The following IL16 variants were observed in gnomAD, a reference collection of about 807,000 sequenced individuals.
The protein encoded by IL16 is interleukin 16.
Under a neutral mutation model 110.1 loss-of-function variants are expected in IL16, and 67 were observed. The ratio of observed to expected loss-of-function variants is 0.61; its 90% confidence interval spans 0.50 to 0.75. IL16 has a LOEUF of 0.75. Ranked by LOEUF, IL16 falls within the 30% of genes least tolerant of loss-of-function variation. IL16 has a pLI of 0.00. For missense variants in IL16, 1,545 were observed against 1,655.0 expected, an observed-to-expected ratio of 0.93 and a Z score of 1.15; for synonymous variants, 689 against 662.9, an observed-to-expected ratio of 1.04 and a Z score of -0.61.
chr15:81,194,228 G>T (rs1461987063), upstream of IL16, among the ~76,000 whole-genome samples: 1 of 152,104 alleles, frequency 6.6e-6, no homozygotes, highest in Non-Finnish European at 1.5e-5. Context: ...TGACAGAGCC[G>T]CTTAGTACAG....
At chr15:81,300,534 T>C (rs1900229734) in intron 14 of IL16, 59 bp downstream of exon 14, 3 of 1,144,638 alleles carry the variant, frequency 2.6e-6, no homozygotes, top group Middle Eastern at 2.4e-4. Flanking sequence ...TTCTCATCTT[T>C]ATTTTTAAAA....
upstream of IL16, among the ~76,000 whole-genome samples, chr15:81,192,832 C>T (rs1000607649): frequency 1.3e-5 from 2 of 151,904 alleles, no homozygotes; most frequent in African/African-American, 4.8e-5. Context: ...TGGAGAGAAG[C>T]GGAAAGAAAG....
chr15:81,230,991 G>A (rs889901625), intron 2 of IL16, among the ~76,000 whole-genome samples: 5 of 151,936 alleles, frequency 3.3e-5, no homozygotes, highest in South Asian at 2.1e-4. Context: ...AGGCAGGAGT[G>A]AGAGGGATCA....
rs552367136 is a variant in IL16, at chr15:81,209,432, G to A, written c.-102+12280G>A. Among the ~76,000 whole-genome samples the A allele has an allele frequency of 3.3e-5, 5 of 152,244 alleles. No homozygotes were observed. The East Asian group carries it at 9.7e-4, about 29-fold the overall frequency. On this transcript the variant is annotated intron_variant, in intron 1 of 18. Coordinates refer to ENST00000683961, the MANE Select transcript of IL16 (RefSeq NM_172217.5). ...GGCTTGGAAGAATTTGCTGGAGGTG[G>A]CAGAAGAGGTGATGAGCACAGTGGA... is the stretch of plus-strand genomic sequence containing the variant.
intron 2 of IL16, among the ~76,000 whole-genome samples, chr15:81,230,771 T>G (rs1896943871): frequency 6.6e-6 from 1 of 152,190 alleles, no homozygotes; most frequent in Admixed American, 6.5e-5. Flanking sequence ...CTAAGATTTC[T>G]GTGAAATCTA....
At chr15:81,298,521 A>G (rs1460504239) in intron 13 of IL16, among the ~76,000 whole-genome samples, 1 of 152,170 alleles carries the variant, frequency 6.6e-6, no homozygotes, top group African/African-American at 2.4e-5. Flanking sequence ...GCACATTGCA[A>G]TCCCCTGCTC....
intron 1 of IL16, chr15:81,182,956 G>C (rs1895365908): frequency 3.9e-6 from 4 of 1,027,690 alleles, no homozygotes; most frequent in Non-Finnish European, 5.3e-6. Context: ...TGGAGGGGTG[G>C]ACCCTTCCTG....
intron 10 of IL16, 95 bp from the exon 11 acceptor site, chr15:81,290,358 G>A: frequency 1.2e-5 from 9 of 724,260 alleles, no homozygotes; most frequent in Non-Finnish European, 1.8e-5. Flanking sequence ...AAATAATTTA[G>A]AATCCAGTGG....
At position 81,269,641 on chromosome 15, in the gene IL16, A is replaced by G; in HGVS notation, c.668A>G (p.Gln223Arg). ...VISNIVLMKG[Q>R]AKGLGFSIVG... ...TCCAACATCGTGCTGATGAAGGGCC[A>G]GGCTAAGGTGAGAAGGGATTGTGGC... Residue 223 changes from glutamine (Q) to arginine (R), a missense_variant, in exon 5 of 19, where the codon CAG becomes CGG. Physicochemically the swap from Gln to Arg is conservative, Grantham distance 43. This residue lies in a region of IL16 where 1,185 missense variants were observed against 1,238.8 expected (regional missense o/e 0.96). Transcript: ENST00000683961. The G allele has an allele frequency of 6.2e-7, 1 of 1,611,324 alleles. No homozygotes were observed.
At chr15:81,261,282 G>T (rs1300924301) in intron 3 of IL16, among the ~76,000 whole-genome samples, 1 of 152,218 alleles carries the variant, frequency 6.6e-6, no homozygotes, top group Non-Finnish European at 1.5e-5. Flanking sequence ...AGGGCCCCAG[G>T]TGACTGTGCA....
intron 1 of IL16, among the ~76,000 whole-genome samples, chr15:81,224,620 T>A (rs918813582): frequency 4.6e-5 from 7 of 152,234 alleles, no homozygotes; most frequent in Admixed American, 1.3e-4. Context: ...TGCTCATCCC[T>A]TTGGCAGGCA....
In IL16 at chr15:81,279,637, C is replaced by T; in HGVS notation, c.944C>T (p.Pro315Leu). The change falls in exon 8 of 19, where the codon CCC (proline) becomes CTC (leucine). Residue 315 changes from proline to leucine, a missense_variant. This residue lies in a region of IL16 where 1,185 missense variants were observed against 1,238.8 expected (regional missense o/e 0.96). Coordinates refer to ENST00000683961, the MANE Select transcript of IL16 (RefSeq NM_172217.5). ...APPSLCSHLS[P>L]PLCRSLSSST... The stretch of plus-strand genomic sequence containing the variant: ...CCTTCCCTGTGCAGCCACCTGTCTC[C>T]CCCACTGTGCCGCTCCCTGAGCTCC... 1 of 1,614,240 alleles carries T rather than the reference C, an allele frequency of 6.2e-7. No homozygotes were observed. Among genetic ancestry groups the T allele is most frequent in the Admixed American group, 1.7e-5 (1 of 60,036 alleles).
At chr15:81,213,362 C>G (rs1007408217) in intron 1 of IL16, among the ~76,000 whole-genome samples, 23 of 152,096 alleles carry the variant, frequency 1.5e-4, no homozygotes, top group African/African-American at 5.3e-4. Context: ...AATATATATT[C>G]CGTGATTGTT....
chr15:81,217,006 T>A (rs946676930), intron 1 of IL16, among the ~76,000 whole-genome samples: 16 of 151,692 alleles, frequency 1.1e-4, no homozygotes, highest in Non-Finnish European at 1.6e-4. Flanking sequence ...AAACTAAATA[T>A]TCAATTCTTG....
intron 1 of IL16, among the ~76,000 whole-genome samples, chr15:81,204,853 G>T (rs1291469595): frequency 6.6e-6 from 1 of 152,120 alleles, no homozygotes; most frequent in Non-Finnish European, 1.5e-5. Context: ...GACTGAAAAG[G>T]TTTAGTGCTG....
chr15:81,275,363 GGGGGAGGGGAGGGGAGGGGA>G (rs1165574007), intron 6 of IL16, among the ~76,000 whole-genome samples: 4 of 94,578 alleles, frequency 4.2e-5, no homozygotes, highest in South Asian at 4.1e-4. Flanking sequence ...GGGAGGAGGG[GGGGGAGGGGAGGGGAGGGGA>G]GGGGAGGGGA....
At chr15:81,228,941 A>G (rs1340241636) in intron 2 of IL16, among the ~76,000 whole-genome samples, 1 of 152,174 alleles carries the variant, frequency 6.6e-6, no homozygotes, top group African/African-American at 2.4e-5. Flanking sequence ...TATATATCTC[A>G]TATGGATATT....
At chr15:81,214,033 TTG>T (rs934312404) in intron 1 of IL16, among the ~76,000 whole-genome samples, 270 of 146,372 alleles carry the variant, frequency 1.8e-3, no homozygotes, top group African/African-American at 6.7e-3. Flanking sequence ...TGTTTTTTTT[TTG>T]TTTGTTTGTT....
chr15:81,208,210 T>C (rs567595529), intron 1 of IL16, among the ~76,000 whole-genome samples: 5 of 152,372 alleles, frequency 3.3e-5, no homozygotes, highest in Admixed American at 2.0e-4. Flanking sequence ...TTGCCCATTT[T>C]TAATGGGGTT....
Sources: gnomAD v4.1 joint callset for allele counts (sites outside exome capture counted in the v4.1 genomes callset) on GRCh38, gnomAD v4.1.1 for gene constraint, gnomAD v4.1.1 regional missense constraint, MANE v1.5 for transcripts, NCBI Gene and HGNC (gene_info 2026-07-23, HGNC 2026-07-21) for gene names.